The following MARCHF7 variants were observed in gnomAD, a reference collection of about 807,000 sequenced individuals.
The protein encoded by MARCHF7 is membrane associated ring-CH-type finger 7.
MARCHF7 carries 20 observed loss-of-function variants against 76.5 expected under a neutral mutation model. The ratio of observed to expected loss-of-function variants is 0.26; its 90% confidence interval spans 0.18 to 0.38. The LOEUF is 0.38. MARCHF7 is among the 10% of genes least tolerant of loss of function. The pLI is 1.00. For missense variants in MARCHF7, 797 were observed against 812.9 expected (o/e 0.98, Z 0.24); for synonymous variants, 295 against 293.0 (o/e 1.01, Z -0.07).
chr2:159,741,897 T>G (rs1433624822), intron 4 of MARCHF7, among the ~76,000 whole-genome samples: 1 of 152,064 alleles, frequency 6.6e-6, no homozygotes, highest in African/African-American at 2.4e-5. Flanking sequence ...GTTTCTTAGT[T>G]TATCTGTGTC....
chr2:159,748,236 G>A lies in MARCHF7; in HGVS notation c.946G>A (p.Val316Ile), dbSNP rs775300492. The A allele has an allele frequency of 1.2e-5, 20 of 1,613,628 alleles. No homozygotes were observed. Among genetic ancestry groups the A allele is most frequent in the South Asian group, 5.5e-5 (5 of 91,068 alleles). The change falls in exon 7 of 12, where the codon GTT becomes ATT. Residue 316 changes from valine to isoleucine, a missense_variant. Coordinates refer to ENST00000409175, the MANE Select transcript of MARCHF7 (RefSeq NM_001282805.2). ...ATCATTGAATTCTGAAAATTCTTAC[G>A]TTTCTCCAAGAATCTTGACAGCTTC... ...TRSLNSENSY[V>I]SPRILTASQS...
chr2:159,733,942 A>T (rs1048245675), intron 4 of MARCHF7: 1 of 1,254,576 alleles, frequency 8.0e-7, no homozygotes, highest in African/African-American at 1.5e-5. Context: ...TTGATTTCCT[A>T]AATATCTTTC....
At position 159,748,105 on chromosome 2, in the gene MARCHF7, A is replaced by T; in HGVS notation, c.815A>T (p.Asp272Val). The change falls in exon 7 of 12, where the codon GAC becomes GTC. Residue 272 changes from aspartate (D) to valine (V), a missense_variant. By Grantham distance (152) the Asp-to-Val change is radical. Coordinates refer to ENST00000409175, the MANE Select transcript of MARCHF7 (RefSeq NM_001282805.2). The stretch of plus-strand genomic sequence containing the variant: ...CAAAGACCATTTCAAGAATCTTCTG[A>T]CAATGAAGGTAGGCGGACAACGAGG... ...SSQRPFQESSDNEGRRTTRRL... is the reference protein window; with the variant it reads ...SSQRPFQESSVNEGRRTTRRL... 1 of 1,614,134 alleles carries T rather than the reference A, an allele frequency of 6.2e-7. No individual in the cohort carries two copies. The highest frequency in any genetic ancestry group is 8.5e-7 in the Non-Finnish European group (1 of 1,180,008).
rs928404970 is a variant in MARCHF7 at position 159,767,458 on chromosome 2, T to G, written c.*116T>G. Reference sequence around the variant, plus strand: ...ATAAATACATTGACTATATATAAAATGAATATATACATACACATGTATGCC... The same window carrying G: ...ATAAATACATTGACTATATATAAAAGGAATATATACATACACATGTATGCC... On this transcript the variant is annotated 3_prime_UTR_variant, in exon 12 of 12. Coordinates refer to ENST00000409175, the MANE Select transcript of MARCHF7 (RefSeq NM_001282805.2). 3.0e-6 allele frequency: 2 copies of G among 664,878 alleles called. No individual in the cohort carries two copies. The highest frequency in any genetic ancestry group is 5.2e-6 in the Non-Finnish European group (2 of 386,396). The allele number at this position is 664,878 out of a possible 1,614,324, so 41.2% of individuals were successfully genotyped here. A position where few individuals can be genotyped will look rare whatever the true frequency, so the allele number is the denominator to read the frequency against.
intron 4 of MARCHF7, among the ~76,000 whole-genome samples, chr2:159,729,427 T>C (rs548030289): frequency 1.3e-5 from 2 of 152,274 alleles, no homozygotes; most frequent in African/African-American, 4.8e-5. Flanking sequence ...TCCCAGCACT[T>C]TGGCAGGCTG....
intron 4 of MARCHF7, chr2:159,733,648 G>A (rs1047745784): frequency 1.0e-6 from 1 of 985,108 alleles, no homozygotes; most frequent in African/African-American, 1.7e-5. Context: ...TGAAGCTTCA[G>A]AGAAAAGAGG....
intron 4 of MARCHF7, among the ~76,000 whole-genome samples, chr2:159,737,750 T>C (rs1344252786): frequency 6.6e-6 from 1 of 152,188 alleles, no homozygotes; most frequent in Non-Finnish European, 1.5e-5. Context: ...ATTGCATCAC[T>C]GCATTCTAGC....
intron 9 of MARCHF7, among the ~76,000 whole-genome samples, chr2:159,762,040 G>A (rs895856819): frequency 1.3e-5 from 2 of 152,030 alleles, no homozygotes; most frequent in Non-Finnish European, 2.9e-5. Context: ...ACTTGCTTTG[G>A]GGCCTCTAGA....
At chr2:159,766,079 G>A (rs998519928) in intron 11 of MARCHF7, among the ~76,000 whole-genome samples, 4 of 152,088 alleles carry the variant, frequency 2.6e-5, no homozygotes, top group African/African-American at 2.4e-5. Context: ...AAAAGATGGA[G>A]GTGAAATATG....
chr2:159,750,827 A>G (rs1178433431), intron 7 of MARCHF7, among the ~76,000 whole-genome samples: 2 of 152,106 alleles, frequency 1.3e-5, no homozygotes. Context: ...AAGGCCTAAT[A>G]GAATTGTTGG....
chr2:159,722,247 T>G (rs1297136449), intron 3 of MARCHF7, among the ~76,000 whole-genome samples: 1 of 152,120 alleles, frequency 6.6e-6, no homozygotes, highest in Non-Finnish European at 1.5e-5. Flanking sequence ...AAGTGATTCT[T>G]GTGCCTCAGC....
At chr2:159,727,183 A>G (rs1437825176) in intron 3 of MARCHF7, among the ~76,000 whole-genome samples, 1 of 152,250 alleles carries the variant, frequency 6.6e-6, no homozygotes, top group Non-Finnish European at 1.5e-5. Context: ...CTTTGAGAAC[A>G]TTAGGGTAAG....
chr2:159,741,788 C>T (rs1342878368), intron 4 of MARCHF7, among the ~76,000 whole-genome samples: 2 of 152,148 alleles, frequency 1.3e-5, no homozygotes, highest in African/African-American at 4.8e-5. Context: ...TGGTAACATG[C>T]TTTAAAAAAT....
chr2:159,747,321 A>G (rs1467945305), intron 6 of MARCHF7, among the ~76,000 whole-genome samples: 1 of 152,224 alleles, frequency 6.6e-6, no homozygotes, highest in Non-Finnish European at 1.5e-5. Flanking sequence ...AAGATTTTTC[A>G]TAAAATTACA....
At chr2:159,759,574 C>G (rs1706759418) in intron 9 of MARCHF7, among the ~76,000 whole-genome samples, 2 of 151,642 alleles carry the variant, frequency 1.3e-5, no homozygotes, top group Admixed American at 1.3e-4. Flanking sequence ...CCTTATTTCC[C>G]CATAGCTGTA....
intron 9 of MARCHF7, among the ~76,000 whole-genome samples, chr2:159,760,081 A>G (rs1706847024): frequency 6.6e-6 from 1 of 152,230 alleles, no homozygotes; most frequent in Admixed American, 6.5e-5. Context: ...ACTCCAAAAG[A>G]AAACCCTCTA....
intron 3 of MARCHF7, among the ~76,000 whole-genome samples, chr2:159,721,746 TTC>T (rs1343467376): frequency 6.6e-6 from 1 of 152,204 alleles, no homozygotes; most frequent in East Asian, 1.9e-4. Context: ...GAGGATAAAA[TTC>T]TAGTGGATCT....
At chr2:159,741,283 C>T (rs950100288) in intron 4 of MARCHF7, among the ~76,000 whole-genome samples, 11 of 151,942 alleles carry the variant, frequency 7.2e-5, no homozygotes, top group Middle Eastern at 3.2e-3. Flanking sequence ...GTGGGAGGAT[C>T]AAGGCAGCAG....
Position 159,743,163 on chromosome 2 carries a change from G to C in MARCHF7, c.256G>C (p.Asp86His), listed in dbSNP as rs1463063713. ...CTCAAGATCGCAGAACCAGCAACGG[G>C]ATCATGATTCAAAAAGACCTAAACT... ...ARSRSQNQQR[D>H]HDSKRPKLSC... is the part of the protein sequence containing the mutation. Residue 86 changes from aspartate to histidine, a missense_variant, in exon 5 of 12, where the codon GAT becomes CAT. Physicochemically the swap from Asp to His is moderately conservative, Grantham distance 81. Transcript: ENST00000409175. 6.2e-7 allele frequency: 1 copy of C among 1,614,180 alleles called. No homozygotes were observed. The highest frequency in any genetic ancestry group is 1.7e-5 in the Admixed American group (1 of 60,026).
Sources: allele counts gnomAD v4.1 joint callset (sites outside exome capture counted in the v4.1 genomes callset), GRCh38; gene constraint gnomAD v4.1.1; transcripts MANE v1.5; gene names NCBI Gene and HGNC (gene_info 2026-07-23, HGNC 2026-07-21).